Variants in KIF14 observed in about 807,000 individuals in gnomAD.
KIF14 encodes kinesin family member 14, also known as kinesin-like protein KIF14.
A neutral mutation model predicts 176.2 loss-of-function variants in KIF14; 98 were observed. That is an observed-to-expected ratio of 0.56 (90% CI 0.47 to 0.66). The LOEUF (loss-of-function observed/expected upper bound fraction) is 0.66. KIF14 is among the 30% of genes least tolerant of loss of function. The pLI, the probability that KIF14 is intolerant of heterozygous loss-of-function variation, is 0.00. For synonymous variants in KIF14, 566 were observed against 632.2 expected (o/e 0.90, Z 1.57); for missense variants, 1,751 against 1,920.4 (o/e 0.91, Z 1.65).
chr1:200,579,286 C>T (rs752402600), intron 21 of KIF14, among the ~76,000 whole-genome samples: 13 of 151,254 alleles, frequency 8.6e-5, no homozygotes, highest in Non-Finnish European at 1.5e-4. Context: ...CTGGGCAACA[C>T]AGCAAGACTC....
intron 21 of KIF14, among the ~76,000 whole-genome samples, chr1:200,577,290 C>A (rs1001460355): frequency 6.6e-6 from 1 of 152,098 alleles, no homozygotes; most frequent in Admixed American, 6.5e-5. Flanking sequence ...TGCCACTGCA[C>A]TCCAGCCTGG....
chr1:200,561,565 G>GA lies in KIF14; in HGVS notation c.4072-686dup, dbSNP rs11296476. Among the ~76,000 whole-genome samples the GA allele has an allele frequency of 3.7e-3, 490 of 132,718 alleles. 3 individuals carry two copies. Among genetic ancestry groups the GA allele is most frequent in the African/African-American group, 0.012 (407 of 33,628 alleles). 87.1% of individuals were successfully genotyped at this position (132,718 alleles called of 152,430 possible). On this transcript the variant is annotated intron_variant, in intron 25 of 29. Transcript: ENST00000367350. The stretch of plus-strand genomic sequence containing the variant: ...CACTGATTTTCAAAAGAAAAGAGAA[G>GA]AAAAAAAAAAAAAAGAAAAGAAAAA...
chr1:200,558,992 AGAG>A (rs1239224077), intron 27 of KIF14, among the ~76,000 whole-genome samples: 10 of 152,354 alleles, frequency 6.6e-5, no homozygotes, highest in Middle Eastern at 3.4e-3. Context: ...CATTCTTAGA[AGAG>A]GAGAAGACTA....
chr1:200,576,926 C>T (rs1411258560), intron 21 of KIF14, among the ~76,000 whole-genome samples: 1 of 151,934 alleles, frequency 6.6e-6, no homozygotes, highest in African/African-American at 2.4e-5. Flanking sequence ...ACCTTCCAGA[C>T]TCAGGTAATC....
rs370443333 is a variant in KIF14, at chr1:200,592,130, T to C, written c.2763A>G (p.Pro921=). The change falls in exon 16 of 30, where the codon CCA becomes CCG. Residue 921 remains proline, a synonymous_variant. Coordinates refer to ENST00000367350, the MANE Select transcript of KIF14 (RefSeq NM_014875.3). ...CATTTTTTGCAAATTCAAAGTCTTTTGGACCCTCACTTATAGGAGTATCTC... is the reference window on the plus strand; with the variant it reads ...CATTTTTTGCAAATTCAAAGTCTTTCGGACCCTCACTTATAGGAGTATCTC... ...SGRDTPISEG[P]KDFEFAKNEL... The C allele has an allele frequency of 1.3e-5, 21 of 1,613,818 alleles. No individual in the cohort carries two copies. The African/African-American group carries it at 2.5e-4, about 19-fold the overall frequency.
At chr1:200,612,272 G>A (rs973177925) in intron 4 of KIF14, among the ~76,000 whole-genome samples, 1 of 152,086 alleles carries the variant, frequency 6.6e-6, no homozygotes, top group Non-Finnish European at 1.5e-5. Flanking sequence ...CAAAGTGCTG[G>A]GATTACAGGC....
rs529785985 is a variant in KIF14 at position 200,583,453 on chromosome 1, GC to G, written c.3242-2160del. The stretch of plus-strand genomic sequence containing the variant: ...ATTTGCTTCAAACTAGTCCAGGGAA[GC>G]AGTGAGCTTGAGGATAGCGGCAACA... On this transcript the variant is annotated intron_variant, in intron 19 of 29. Transcript: ENST00000367350. 6.3e-4 allele frequency among the ~76,000 whole-genome samples: 96 copies of G among 152,276 alleles called. 1 individual carries two copies. The highest frequency in any genetic ancestry group is 2.2e-3 in the African/African-American group (91 of 41,564).
At chr1:200,585,823 C>A (rs983376932) in intron 19 of KIF14, among the ~76,000 whole-genome samples, 3 of 152,104 alleles carry the variant, frequency 2.0e-5, no homozygotes, top group African/African-American at 7.2e-5. Flanking sequence ...CCAAAGACCT[C>A]CACTTCCTAA....
intron 15 of KIF14, among the ~76,000 whole-genome samples, chr1:200,592,995 C>T (rs894469147): frequency 6.6e-6 from 1 of 152,078 alleles, no homozygotes; most frequent in African/African-American, 2.4e-5. Flanking sequence ...CCTCATTGCC[C>T]AAAACATCAT....
intron 14 of KIF14, among the ~76,000 whole-genome samples, chr1:200,596,982 T>C (rs144653861): frequency 0.025 from 3,499 of 137,782 alleles, 51 homozygotes; most frequent in Non-Finnish European, 0.036. Flanking sequence ...CACTGCAACA[T>C]CCACCTCCTA....
chr1:200,579,294 C>T (rs547023472), intron 21 of KIF14, among the ~76,000 whole-genome samples: 1 of 151,540 alleles, frequency 6.6e-6, no homozygotes, highest in East Asian at 2.0e-4. Context: ...CACAGCAAGA[C>T]TCTGTCTCTA....
intron 14 of KIF14, among the ~76,000 whole-genome samples, chr1:200,597,603 G>A (rs958309434): frequency 1.3e-5 from 2 of 152,182 alleles, no homozygotes; most frequent in African/African-American, 2.4e-5. Context: ...AGGCCAATGG[G>A]AGTAAAAATT....
intron 18 of KIF14, among the ~76,000 whole-genome samples, chr1:200,588,285 G>A (rs1177762970): frequency 6.7e-6 from 1 of 150,120 alleles, no homozygotes; most frequent in East Asian, 2.0e-4. Context: ...TCTGTCACCA[G>A]GCTGGAGTGC....
chr1:200,586,946 A>G (rs1156897510), intron 18 of KIF14, among the ~76,000 whole-genome samples: 1 of 152,156 alleles, frequency 6.6e-6, no homozygotes, highest in Non-Finnish European at 1.5e-5. Flanking sequence ...GGTCTCACTT[A>G]TAAGTGACAG....
At chr1:200,615,321 A>T (rs1660357012) in intron 3 of KIF14, 34 bp downstream of exon 3, 1 of 1,574,906 alleles carries the variant, frequency 6.3e-7, no homozygotes, top group Non-Finnish European at 8.6e-7. Flanking sequence ...ATATTTAAAC[A>T]CTTCTGGATA....
chr1:200,617,533 G>T, intron 2 of KIF14, 79 bp downstream of exon 2: 1 of 1,384,966 alleles, frequency 7.2e-7, no homozygotes, highest in South Asian at 1.5e-5. Context: ...CGAATACACT[G>T]ACCTTCCAAA....
At chr1:200,608,398 T>C (rs1030497593) in intron 5 of KIF14, among the ~76,000 whole-genome samples, 1 of 149,042 alleles carries the variant, frequency 6.7e-6, no homozygotes. Flanking sequence ...GAAGTCTCAC[T>C]CTGTCGCCCA....
chr1:200,614,475 A>C (rs1660307765), intron 3 of KIF14, 70 bp from the exon 4 acceptor site: 3 of 931,568 alleles, frequency 3.2e-6, no homozygotes, highest in Non-Finnish European at 5.0e-6. Flanking sequence ...TTGGGGAAAT[A>C]GGCTGGGAAG....
chr1:200,619,401 G>A (rs1660573921), intron 1 of KIF14, among the ~76,000 whole-genome samples: 1 of 151,666 alleles, frequency 6.6e-6, no homozygotes, highest in Admixed American at 6.6e-5. Context: ...TCACCAGGCT[G>A]GAGTGCAGTG....
Sources: gnomAD v4.1 joint callset for allele counts (sites outside exome capture counted in the v4.1 genomes callset) on GRCh38, gnomAD v4.1.1 for gene constraint, MANE v1.5 for transcripts, NCBI Gene and HGNC (gene_info 2026-07-23, HGNC 2026-07-21) for gene names.